Variants in XPR1 observed in about 807,000 individuals in gnomAD.
XPR1 encodes solute carrier family 53 member 1.
A neutral mutation model predicts 87.5 loss-of-function variants in XPR1; 28 were observed. That is an observed-to-expected ratio of 0.32 (90% confidence interval 0.24 to 0.44). XPR1 has a LOEUF of 0.44. Among genes scored for constraint, XPR1 ranks in the 20% least tolerant of loss-of-function variants. The pLI is 1.00. For missense variants in XPR1, 559 were observed against 862.3 expected, an observed-to-expected ratio of 0.65 and a Z score of 4.41; for synonymous variants, 300 against 306.1, an observed-to-expected ratio of 0.98 and a Z score of 0.21.
intron 11 of XPR1, among the ~76,000 whole-genome samples, chr1:180,855,695 G>A (rs921696469): frequency 3.3e-5 from 5 of 150,532 alleles, no homozygotes; most frequent in Non-Finnish European, 5.9e-5. Flanking sequence ...GAGGGGGGAC[G>A]GTTTTACTAT....
In XPR1 at chr1:180,670,008, C is replaced by T. The variant is rs370849168; in HGVS notation, c.70-12352C>T. The stretch of plus-strand genomic sequence containing the variant: ...GTTATATTTTCTTGCTGTATTGAAC[C>T]TTTAAAAAAATATGATATTCTCCTT... On this transcript the variant is annotated intron_variant, in intron 1 of 14. Coordinates refer to ENST00000367590, the MANE Select transcript of XPR1 (RefSeq NM_004736.4). 9.6e-4 allele frequency among the ~76,000 whole-genome samples: 146 copies of T among 152,134 alleles called. 2 individuals carry two copies. In the South Asian group the frequency reaches 0.029, roughly 31 times the overall value.
chr1:180,810,074 A>G (rs1244618716), intron 6 of XPR1, among the ~76,000 whole-genome samples: 2 of 152,200 alleles, frequency 1.3e-5, no homozygotes, highest in East Asian at 1.9e-4. Context: ...ATTTAAGTCT[A>G]TAAGATTATC....
chr1:180,665,862 C>CT (rs1215230319), intron 1 of XPR1, among the ~76,000 whole-genome samples: 3 of 152,038 alleles, frequency 2.0e-5, no homozygotes, highest in East Asian at 3.9e-4. Flanking sequence ...CATATGAAGG[C>CT]TTTTTTTGTG....
At position 180,634,622 on chromosome 1, in the gene XPR1, T is replaced by C. The variant is rs1030189655; in HGVS notation, c.69+2352T>C. Reference sequence around the variant, plus strand: ...GATGATGCTCTTAAAATGCTATCAGTAGAACAGATGCTGGGATTTGTTTTT... The same window carrying C: ...GATGATGCTCTTAAAATGCTATCAGCAGAACAGATGCTGGGATTTGTTTTT... On this transcript the variant is annotated intron_variant, in intron 1 of 14. Coordinates refer to ENST00000367590, the MANE Select transcript of XPR1 (RefSeq NM_004736.4). Among the ~76,000 whole-genome samples the C allele has an allele frequency of 6.6e-5, 10 of 152,286 alleles. No individual in the cohort carries two copies. In the East Asian group the frequency reaches 1.7e-3, roughly 26 times the overall value.
At chr1:180,753,696 T>C (rs558705162) in intron 2 of XPR1, among the ~76,000 whole-genome samples, 1 of 152,336 alleles carries the variant, frequency 6.6e-6, no homozygotes, top group East Asian at 1.9e-4. Context: ...TTATGTGACA[T>C]ATTAACTGTC....
chr1:180,840,705 C>A (rs372722548), intron 11 of XPR1, among the ~76,000 whole-genome samples: 2 of 150,684 alleles, frequency 1.3e-5, no homozygotes, highest in Non-Finnish European at 3.0e-5. Flanking sequence ...ATAAAAAAAA[C>A]CTTATAGTTA....
At chr1:180,807,566 G>C (rs12087411) in intron 6 of XPR1, among the ~76,000 whole-genome samples, 1 of 152,164 alleles carries the variant, frequency 6.6e-6, no homozygotes, top group African/African-American at 2.4e-5. Context: ...ACTTGGATGA[G>C]AGAGATGCTA....
At chr1:180,660,938 G>A (rs538998339) in intron 1 of XPR1, among the ~76,000 whole-genome samples, 1 of 152,168 alleles carries the variant, frequency 6.6e-6, no homozygotes, top group Non-Finnish European at 1.5e-5. Context: ...AGTGCTGAAA[G>A]TGGGGTGTTG....
intron 2 of XPR1, among the ~76,000 whole-genome samples, chr1:180,741,639 A>G (rs1658928432): frequency 6.6e-6 from 1 of 151,642 alleles, no homozygotes; most frequent in Non-Finnish European, 1.5e-5. Flanking sequence ...GGTATGCGCC[A>G]CCATGCCCAG....
intron 2 of XPR1, among the ~76,000 whole-genome samples, chr1:180,706,986 G>A (rs1159753007): frequency 2.0e-5 from 3 of 151,966 alleles, no homozygotes; most frequent in Non-Finnish European, 4.4e-5. Flanking sequence ...TAATATTTTG[G>A]CATATGTTTT....
chr1:180,868,610 CTGTT>C (rs1248527214), intron 12 of XPR1, among the ~76,000 whole-genome samples: 26 of 131,130 alleles, frequency 2.0e-4, no homozygotes, highest in East Asian at 4.1e-4. Flanking sequence ...ATTTGGCTCT[CTGTT>C]TGTCTGTTGT....
intron 2 of XPR1, among the ~76,000 whole-genome samples, chr1:180,764,295 C>T (rs911372188): frequency 1.3e-5 from 2 of 152,088 alleles, no homozygotes; most frequent in Non-Finnish European, 2.9e-5. Context: ...AAGTGAATTT[C>T]ATGTTTAGAC....
chr1:180,728,296 C>CTGG (rs1317645413), intron 2 of XPR1, among the ~76,000 whole-genome samples: 1 of 72,552 alleles, frequency 1.4e-5, no homozygotes, highest in South Asian at 4.8e-4. Context: ...TTGTTTATAA[C>CTGG]TGGGGGGGGG....
intron 1 of XPR1, among the ~76,000 whole-genome samples, chr1:180,661,990 C>T (rs1442749553): frequency 6.6e-6 from 1 of 152,190 alleles, no homozygotes; most frequent in African/African-American, 2.4e-5. Context: ...TTAACTTTGT[C>T]TCCCCACTTT....
chr1:180,801,198 C>G (rs937524510), intron 3 of XPR1, among the ~76,000 whole-genome samples: 1 of 152,226 alleles, frequency 6.6e-6, no homozygotes, highest in African/African-American at 2.4e-5. Context: ...TCAATAGATA[C>G]ATCTCTCATG....
chr1:180,776,980 T>G (rs1648748734), intron 2 of XPR1, among the ~76,000 whole-genome samples: 1 of 152,192 alleles, frequency 6.6e-6, no homozygotes, highest in South Asian at 2.1e-4. Context: ...TTAAGCCTAG[T>G]TATATTCAGA....
At chr1:180,827,605 CA>C (rs1287621022) in intron 9 of XPR1, among the ~76,000 whole-genome samples, 1 of 152,072 alleles carries the variant, frequency 6.6e-6, no homozygotes, top group Non-Finnish European at 1.5e-5. Flanking sequence ...CTATCAGATA[CA>C]CTGAAATATA....
chr1:180,655,763 A>G (rs952076667), intron 1 of XPR1, among the ~76,000 whole-genome samples: 14 of 151,786 alleles, frequency 9.2e-5, no homozygotes, highest in African/African-American at 3.4e-4. Flanking sequence ...GTTAATTTTT[A>G]AAAAAAATTG....
At chr1:180,735,588 T>C (rs974543336) in intron 2 of XPR1, among the ~76,000 whole-genome samples, 1 of 152,230 alleles carries the variant, frequency 6.6e-6, no homozygotes, top group Non-Finnish European at 1.5e-5. Context: ...TGAAAGCTGA[T>C]CAATCTGACA....
Sources: gnomAD v4.1 joint callset for allele counts (sites outside exome capture counted in the v4.1 genomes callset) on GRCh38, gnomAD v4.1.1 for gene constraint, MANE v1.5 for transcripts, NCBI Gene and HGNC (gene_info 2026-07-23, HGNC 2026-07-21) for gene names.